ABCC2: variants seen among roughly 807,000 people sequenced by gnomAD.
ABCC2 encodes ATP binding cassette subfamily C member 2, also known as ATP-binding cassette sub-family C member 2.
Under a neutral mutation model 173.4 loss-of-function variants are expected in ABCC2, and 157 were observed. That is an observed-to-expected ratio of 0.91 (90% CI 0.80 to 1.03). The LOEUF is 1.03. Ranked by LOEUF, ABCC2 falls within the 50% of genes least tolerant of loss-of-function variation. The pLI, the probability that ABCC2 is intolerant of heterozygous loss-of-function variation, is 0.00. For missense variants in ABCC2, 1,822 were observed against 1,852.3 expected (o/e 0.98, Z 0.30); for synonymous variants, 657 against 693.5 (o/e 0.95, Z 0.83).
chr10:99,847,692 C>G (rs895276608), intron 30 of ABCC2, among the ~76,000 whole-genome samples: 1 of 151,424 alleles, frequency 6.6e-6, no homozygotes, highest in Non-Finnish European at 1.5e-5. Context: ...AGGCTGAGGC[C>G]GGTGGATCAC....
chr10:99,819,057 G>A (rs375495582), intron 18 of ABCC2, 32 bp from the exon 19 acceptor site: 201 of 1,612,998 alleles, frequency 1.2e-4, no homozygotes, highest in Non-Finnish European at 1.4e-4. Context: ...TGGACATATG[G>A]TAATCAACAC....
At chr10:99,803,954 T>A in intron 9 of ABCC2, 65 bp from the exon 10 acceptor site, 1 of 1,604,504 alleles carries the variant, frequency 6.2e-7, no homozygotes, top group Non-Finnish European at 8.5e-7. Context: ...TTCCTGAGCT[T>A]CCTCTTCTAC....
At position 99,791,234 on chromosome 10, in the gene ABCC2, C is replaced by T. The variant is rs188410086; in HGVS notation, c.208-1000C>T. On this transcript the variant is annotated intron_variant, in intron 2 of 31. Transcript: ENST00000647814. ...ACCAGCCTGGCCAACATGGTAAAAT[C>T]CTGTCTCTACTAAAAATACAAAAAT... Among the ~76,000 whole-genome samples the T allele has an allele frequency of 8.4e-3, 1,272 of 152,174 alleles. 8 individuals carry two copies. Among genetic ancestry groups the T allele is most frequent in the Non-Finnish European group, 0.013 (868 of 68,006 alleles).
chr10:99,785,001 G>A (rs1295759052), intron 2 of ABCC2, among the ~76,000 whole-genome samples: 1 of 152,134 alleles, frequency 6.6e-6, no homozygotes, highest in Admixed American at 6.5e-5. Context: ...CTTAATTCTT[G>A]TGGATATTGG....
intron 8 of ABCC2, among the ~76,000 whole-genome samples, chr10:99,799,661 C>A (rs903038674): frequency 6.6e-6 from 1 of 152,076 alleles, no homozygotes; most frequent in Non-Finnish European, 1.5e-5. Flanking sequence ...GAGCCAGATC[C>A]AAGTGGCGGG....
Position 99,784,757 on chromosome 10 carries a change from C to A in ABCC2, c.183C>A (p.Thr61=). 6.2e-7 allele frequency: 1 copy of A among 1,614,128 alleles called. No individual in the cohort carries two copies. Among genetic ancestry groups the A allele is most frequent in the Non-Finnish European group, 8.5e-7 (1 of 1,180,024 alleles). The change falls in exon 2 of 32, where the codon ACC becomes ACA. Residue 61 remains threonine (T), a synonymous_variant. Transcript: ENST00000647814. ...VYKSRTKRSS[T]TKLYLAKQVF... ...AATCCAGGACCAAGAGATCCTCTAC[C>A]ACCAAACTCTATCTTGCTAAGCAGG...
At chr10:99,848,305 A>G (rs1389455174) in intron 30 of ABCC2, among the ~76,000 whole-genome samples, 1 of 152,226 alleles carries the variant, frequency 6.6e-6, no homozygotes, top group Non-Finnish European at 1.5e-5. Flanking sequence ...TATATAATTG[A>G]CAGTTCACTT....
At chr10:99,823,657 C>G (rs867975178) in intron 19 of ABCC2, among the ~76,000 whole-genome samples, 9 of 143,850 alleles carry the variant, frequency 6.3e-5, no homozygotes, top group Admixed American at 1.4e-4. Context: ...TCAGTAAATA[C>G]TGTTAGAGCA....
chr10:99,817,491 G>C lies in ABCC2; in HGVS notation c.2271+7G>C. 1 of 1,614,000 alleles carries C rather than the reference G, an allele frequency of 6.2e-7. No individual in the cohort carries two copies. Among genetic ancestry groups the C allele is most frequent in the Non-Finnish European group, 8.5e-7 (1 of 1,179,968 alleles). On this transcript the variant is annotated splice_region_variant and intron_variant, in intron 17 of 31. Coordinates refer to ENST00000647814, the MANE Select transcript of ABCC2 (RefSeq NM_000392.5). ...GGCTGAGATTGGAGAGAAGGTACTTGGGATAACAAGGGATCTTCAAGGGTG... is the reference window on the plus strand; with the variant it reads ...GGCTGAGATTGGAGAGAAGGTACTTCGGATAACAAGGGATCTTCAAGGGTG...
chr10:99,821,955 T>G (rs9633710), intron 19 of ABCC2, among the ~76,000 whole-genome samples: 92,287 of 151,354 alleles, frequency 0.61, 28,319 homozygotes, highest in East Asian at 0.78. Flanking sequence ...AATTTTGGAC[T>G]GCAGGCATTA....
chr10:99,827,170 C>T (rs879671455), intron 19 of ABCC2, among the ~76,000 whole-genome samples: 92 of 152,348 alleles, frequency 6.0e-4, no homozygotes, highest in Non-Finnish European at 1.0e-3. Flanking sequence ...TGAAGTTCGG[C>T]TGGCGGCCAG....
At chr10:99,830,589 T>C (rs2038721576) in intron 20 of ABCC2, 127 bp from the exon 21 acceptor site, 3 of 1,558,322 alleles carry the variant, frequency 1.9e-6, no homozygotes, top group Admixed American at 3.3e-5. Context: ...AAGATCGGGG[T>C]TGTGTCAGTT....
At chr10:99,803,926 C>A in intron 9 of ABCC2, 93 bp from the exon 10 acceptor site, 1 of 1,532,644 alleles carries the variant, frequency 6.5e-7, no homozygotes, top group Admixed American at 1.7e-5. Flanking sequence ...GGAGCACATC[C>A]TTCCATTGTA....
chr10:99,839,132 C>CA (rs2038885420), intron 25 of ABCC2, among the ~76,000 whole-genome samples: 1 of 103,050 alleles, frequency 9.7e-6, no homozygotes, highest in Non-Finnish European at 2.1e-5. Flanking sequence ...GCTGGCCGGG[C>CA]GGGGGGCCGA....
At chr10:99,796,609 C>T (rs1185617711) in intron 6 of ABCC2, among the ~76,000 whole-genome samples, 4 of 151,804 alleles carry the variant, frequency 2.6e-5, no homozygotes, top group African/African-American at 4.8e-5. Context: ...ACTTTGAAGC[C>T]GGGAGATGGA....
chr10:99,799,377 C>T lies in ABCC2; in HGVS notation c.1031+7C>T. On this transcript the variant is annotated splice_region_variant and intron_variant, in intron 8 of 31. Coordinates refer to ENST00000647814, the MANE Select transcript of ABCC2 (RefSeq NM_000392.5). ...TGAGTCCTCAGCTGCTGAAGTGAGT[C>T]TCCAGGCCTCAGATGGTCCTTTCAG... The T allele has an allele frequency of 6.2e-7, 1 of 1,614,040 alleles. No individual in the cohort carries two copies. Among genetic ancestry groups the T allele is most frequent in the Non-Finnish European group, 8.5e-7 (1 of 1,179,998 alleles).
Position 99,793,543 on chromosome 10 carries a change from C to G in ABCC2, c.334-8C>G. On this transcript the variant is annotated splice_polypyrimidine_tract_variant and splice_region_variant and intron_variant, in intron 3 of 31. Transcript: ENST00000647814. The stretch of plus-strand genomic sequence containing the variant: ...ATTCTTCAGAACATCATGTGAATTT[C>G]TCTCCAGCTCCTGGTTTTGCTGATC... The G allele has an allele frequency of 1.2e-6, 2 of 1,614,076 alleles. No homozygotes were observed. The highest frequency in any genetic ancestry group is 1.7e-6 in the Non-Finnish European group (2 of 1,179,946).
Position 99,830,443 on chromosome 10 carries a change from CTATT to C in ABCC2, c.2747+11_2747+14del, listed in dbSNP as rs1418216618. 17 of 1,614,072 alleles carry C rather than the reference CTATT, an allele frequency of 1.1e-5. No individual in the cohort carries two copies. In the Admixed American group the frequency reaches 2.3e-4, roughly 22 times the overall value. On this transcript the variant is annotated intron_variant, in intron 20 of 31. Transcript: ENST00000647814. ...GAACACTTAGCCGCAGGTTGGCTAT[CTATT>C]CAGCTGGCAGCCCTCGTCAGCTCTA...
In ABCC2 at chr10:99,817,182, T is replaced by A. The variant is rs187018042; in HGVS notation, c.2095-126T>A. 6 of 832,908 alleles carry A rather than the reference T, an allele frequency of 7.2e-6. No homozygotes were observed. The Admixed American group carries it at 1.2e-4, about 17-fold the overall frequency. 51.6% of individuals were successfully genotyped at this position (832,908 alleles called of 1,614,324 possible). A position where few individuals can be genotyped will look rare whatever the true frequency, so the allele number is the denominator to read the frequency against. On this transcript the variant is annotated intron_variant, in intron 16 of 31. Coordinates refer to ENST00000647814, the MANE Select transcript of ABCC2 (RefSeq NM_000392.5). ...ACGTGAATACATATCAGATCCTCAG[T>A]CATCCTGATGCACAGTTATTTAAAT...
Sources: gnomAD v4.1 joint callset for allele counts (sites outside exome capture counted in the v4.1 genomes callset) on GRCh38, gnomAD v4.1.1 for gene constraint, MANE v1.5 for transcripts, NCBI Gene and HGNC (gene_info 2026-07-23, HGNC 2026-07-21) for gene names.